The following PPEF1 variants were observed in gnomAD, a reference collection of about 807,000 sequenced individuals.
The protein encoded by PPEF1 is serine/threonine-protein phosphatase with EF-hands 1.
PPEF1 carries 12 observed loss-of-function variants against 53.3 expected under a neutral mutation model. That is an observed-to-expected ratio of 0.23 (90% confidence interval 0.14 to 0.36). The LOEUF is 0.36. Among genes scored for constraint, PPEF1 ranks in the 10% least tolerant of loss-of-function variants. PPEF1 has a pLI of 1.00. For synonymous variants in PPEF1, 165 were observed against 176.7 expected (o/e 0.93, Z 0.52); for missense variants, 334 against 490.4 (o/e 0.68, Z 3.01).
intron 6 of PPEF1, among the ~76,000 whole-genome samples, chrX:18,765,431 T>C (rs2147522120): frequency 9.0e-6 from 1 of 111,575 alleles, no homozygotes; most frequent in East Asian, 2.8e-4. Flanking sequence ...ATGGGATTCA[T>C]GCCAAATGAG....
At chrX:18,754,101 G>T (rs1377056489) in intron 4 of PPEF1, among the ~76,000 whole-genome samples, 1 of 109,575 alleles carries the variant, frequency 9.1e-6, no homozygotes, top group Non-Finnish European at 1.9e-5. Flanking sequence ...AATATTTGCA[G>T]ATTGGCTCTC....
At chrX:18,696,243 T>G (rs192543532) in intron 4 of PPEF1, among the ~76,000 whole-genome samples, 1 of 110,382 alleles carries the variant, frequency 9.1e-6, no homozygotes, top group Non-Finnish European at 1.9e-5. Flanking sequence ...GCCTCGATCT[T>G]GCAGGCTCAA....
intron 1 of PPEF1, among the ~76,000 whole-genome samples, chrX:18,677,888 G>A (rs973550871): frequency 6.3e-5 from 7 of 111,014 alleles, no homozygotes; most frequent in African/African-American, 2.3e-4. Context: ...ATGTCCCCTG[G>A]GGGACAAAAT....
intron 10 of PPEF1, among the ~76,000 whole-genome samples, chrX:18,792,899 C>T (rs1162919044): frequency 9.0e-6 from 1 of 111,208 alleles, no homozygotes; most frequent in Non-Finnish European, 1.9e-5. Flanking sequence ...TTGGGGTACA[C>T]CCTATGTAAA....
At chrX:18,807,110 A>G (rs919050151) in intron 12 of PPEF1, among the ~76,000 whole-genome samples, 1 of 109,129 alleles carries the variant, frequency 9.2e-6, no homozygotes, top group African/African-American at 3.4e-5. Context: ...GCTCCCTGCA[A>G]CCTCTGCCTC....
chrX:18,702,280 C>G (rs1281081197), intron 6 of PPEF1, among the ~76,000 whole-genome samples: 2 of 110,488 alleles, frequency 1.8e-5, no homozygotes, highest in Non-Finnish European at 3.8e-5. Context: ...TTACACCTGC[C>G]TGCTTCACTC....
intron 13 of PPEF1, among the ~76,000 whole-genome samples, chrX:18,820,941 C>T (rs897677255): frequency 3.6e-5 from 4 of 109,873 alleles, no homozygotes; most frequent in Admixed American, 2.9e-4. Context: ...TCCTTGGCTC[C>T]GGCCAGACGT....
chrX:18,816,863 C>T (rs998225100), intron 12 of PPEF1, among the ~76,000 whole-genome samples: 3 of 111,461 alleles, frequency 2.7e-5, no homozygotes, highest in Admixed American at 9.6e-5. Context: ...TCAGGCTTGC[C>T]GTTTGCATGG....
At chrX:18,748,188 A>G (rs180781938) in intron 3 of PPEF1, among the ~76,000 whole-genome samples, 423 of 112,592 alleles carry the variant, frequency 3.8e-3, no homozygotes, top group Admixed American at 0.031. Flanking sequence ...AAAGACAGAC[A>G]TTATTACTCC....
chrX:18,778,111 T>C (rs1446210413), intron 6 of PPEF1, among the ~76,000 whole-genome samples: 1 of 111,417 alleles, frequency 9.0e-6, no homozygotes, highest in East Asian at 2.8e-4. Flanking sequence ...CTCTGTGTAA[T>C]ATATTTTTAA....
At chrX:18,777,385 T>G (rs371234027) in intron 6 of PPEF1, among the ~76,000 whole-genome samples, 1 of 113,152 alleles carries the variant, frequency 8.8e-6, no homozygotes. Context: ...AATAAGATTT[T>G]TAAATGTAGT....
intron 4 of PPEF1, among the ~76,000 whole-genome samples, chrX:18,756,699 C>T (rs2045556585): frequency 8.9e-6 from 1 of 111,876 alleles, no homozygotes; most frequent in South Asian, 3.7e-4. Context: ...ACTAGTATGA[C>T]CAAAATGATT....
chrX:18,700,884 T>G (rs1930065965), intron 6 of PPEF1, among the ~76,000 whole-genome samples: 1 of 112,620 alleles, frequency 8.9e-6, no homozygotes, highest in African/African-American at 3.2e-5. Context: ...TTCCTTACAG[T>G]GTTCAAAATT....
At chrX:18,756,642 T>A (rs2045555818) in intron 4 of PPEF1, among the ~76,000 whole-genome samples, 1 of 112,499 alleles carries the variant, frequency 8.9e-6, no homozygotes, top group Admixed American at 9.4e-5. Context: ...ATATTGCAGT[T>A]GTAAATATAA....
At chrX:18,716,594 C>T (rs1225263957) in intron 1 of PPEF1, among the ~76,000 whole-genome samples, 1 of 109,073 alleles carries the variant, frequency 9.2e-6, no homozygotes, top group African/African-American at 3.3e-5. Flanking sequence ...GAGAGCCCCC[C>T]TCCCGGCTCT....
intron 5 of PPEF1, among the ~76,000 whole-genome samples, chrX:18,758,659 G>A (rs954045055): frequency 9.9e-5 from 11 of 110,961 alleles, no homozygotes; most frequent in Non-Finnish European, 2.1e-4. Context: ...TCTCAGCAGT[G>A]GGGGTCTTTT....
intron 5 of PPEF1, among the ~76,000 whole-genome samples, chrX:18,758,194 T>G (rs1190916450): frequency 9.0e-6 from 1 of 111,655 alleles, no homozygotes; most frequent in Non-Finnish European, 1.9e-5. Context: ...TTTAGAAGAG[T>G]GGGAATGTCC....
upstream of PPEF1, among the ~76,000 whole-genome samples, chrX:18,681,179 A>G (rs1244757445): frequency 8.9e-6 from 1 of 111,900 alleles, no homozygotes; most frequent in Non-Finnish European, 1.9e-5. Flanking sequence ...GGATTTCACC[A>G]TGTTGGCCAG....
chrX:18,708,379 A>G (rs2044248842), intron 1 of PPEF1, among the ~76,000 whole-genome samples: 1 of 112,182 alleles, frequency 8.9e-6, no homozygotes, highest in South Asian at 3.7e-4. Context: ...CTGTACCCCC[A>G]TATAATTAGA....
Sources: allele counts gnomAD v4.1 joint callset (sites outside exome capture counted in the v4.1 genomes callset), GRCh38; gene constraint gnomAD v4.1.1; transcripts MANE v1.5; gene names NCBI Gene and HGNC (gene_info 2026-07-23, HGNC 2026-07-21).